Variants in ARID1B observed in about 807,000 individuals in gnomAD.
ARID1B encodes AT-rich interaction domain 1B.
A neutral mutation model predicts 212.3 loss-of-function variants in ARID1B; 30 were observed. The observed-to-expected ratio is 0.14, with a 90% CI of 0.11 to 0.19. The LOEUF (loss-of-function observed/expected upper bound fraction) is 0.19, where lower values mean the gene tolerates loss of function less well. ARID1B is among the 10% of genes least tolerant of loss of function. The pLI is 1.00. For missense variants in ARID1B, 2,891 were observed against 3,204.0 expected, an observed-to-expected ratio of 0.90 and a Z score of 2.36; for synonymous variants, 1,402 against 1,301.7, an observed-to-expected ratio of 1.08 and a Z score of -1.66.
intron 3 of ARID1B, among the ~76,000 whole-genome samples, chr6:156,909,123 C>CTCTTT (rs769251080): frequency 9.2e-6 from 1 of 108,822 alleles, no homozygotes; most frequent in African/African-American, 3.8e-5. Context: ...TTTTCTTTCT[C>CTCTTT]TTTTTTTTTT....
At chr6:157,103,989 C>T (rs185580899) in intron 5 of ARID1B, among the ~76,000 whole-genome samples, 1 of 152,076 alleles carries the variant, frequency 6.6e-6, no homozygotes, top group East Asian at 1.9e-4. Context: ...GCACCTGCCA[C>T]CATGCCCGGC....
chr6:156,926,773 C>T (rs554429203), intron 3 of ARID1B, among the ~76,000 whole-genome samples: 57 of 152,234 alleles, frequency 3.7e-4, no homozygotes, highest in African/African-American at 1.3e-3. Flanking sequence ...ACTTCGCCTC[C>T]CAGGTTCAAG....
At position 157,129,751 on chromosome 6, in the gene ARID1B, A is replaced by G. The variant is rs956878912; in HGVS notation, c.2582-3277A>G. The stretch of plus-strand genomic sequence containing the variant: ...TGAGATAGTTCAAGTGGAACACTAC[A>G]TATGTATTTTTAAGGACTGAGTAAA... On this transcript the variant is annotated intron_variant, in intron 6 of 19. Transcript: ENST00000636930. Among the ~76,000 whole-genome samples the G allele has an allele frequency of 2.6e-5, 4 of 152,244 alleles. No homozygotes were observed. In the East Asian group the frequency reaches 5.8e-4, roughly 22 times the overall value.
intron 2 of ARID1B, among the ~76,000 whole-genome samples, chr6:156,881,927 T>A (rs928831690): frequency 1.3e-5 from 2 of 152,222 alleles, no homozygotes; most frequent in Middle Eastern, 3.2e-3. Flanking sequence ...CTAGAACTCA[T>A]TTACTTGGGT....
chr6:157,159,947 G>A (rs1477407033), intron 8 of ARID1B, among the ~76,000 whole-genome samples: 2 of 152,146 alleles, frequency 1.3e-5, no homozygotes, highest in African/African-American at 4.8e-5. Context: ...ATTCTTCTTT[G>A]CCCATTCTTA....
intron 3 of ARID1B, among the ~76,000 whole-genome samples, chr6:156,913,365 C>T (rs776207829): frequency 2.4e-4 from 37 of 151,690 alleles, no homozygotes; most frequent in African/African-American, 6.5e-4. Flanking sequence ...TACAGGCACG[C>T]GCCACCATGC....
intron 3 of ARID1B, among the ~76,000 whole-genome samples, chr6:156,909,832 T>C (rs1306605868): frequency 6.6e-6 from 1 of 152,250 alleles, no homozygotes; most frequent in Non-Finnish European, 1.5e-5. Flanking sequence ...CCTGCCCTTG[T>C]TCACAGGATG....
intron 4 of ARID1B, among the ~76,000 whole-genome samples, chr6:157,068,563 C>G (rs1783822564): frequency 6.6e-6 from 1 of 152,236 alleles, no homozygotes; most frequent in South Asian, 2.1e-4. Flanking sequence ...ACCAAAGGAT[C>G]TATCAAAGTA....
intron 3 of ARID1B, among the ~76,000 whole-genome samples, chr6:156,911,338 G>GTTTTTTTTTTTTT (rs57374747): frequency 9.5e-6 from 1 of 105,362 alleles, no homozygotes; most frequent in East Asian, 3.1e-4. Context: ...TAAATAATTA[G>GTTTTTTTTTTTTT]TTTTTTTTTT....
intron 4 of ARID1B, among the ~76,000 whole-genome samples, chr6:157,010,631 T>G (rs1208102804): frequency 1.5e-5 from 2 of 134,440 alleles, no homozygotes; most frequent in South Asian, 2.2e-4. Flanking sequence ...GTTTTTTTTT[T>G]TTGCTTTGTT....
chr6:156,886,770 CG>C (rs1787542375), intron 2 of ARID1B, among the ~76,000 whole-genome samples: 1 of 152,164 alleles, frequency 6.6e-6, no homozygotes, highest in African/African-American at 2.4e-5. Context: ...GTAACTGTGC[CG>C]AGCCTTCCAA....
At chr6:156,997,711 G>C (rs1367041055) in intron 4 of ARID1B, among the ~76,000 whole-genome samples, 1 of 147,782 alleles carries the variant, frequency 6.8e-6, no homozygotes, top group Non-Finnish European at 1.5e-5. Context: ...TTTTCCACAA[G>C]AACCATCATT....
intron 8 of ARID1B, chr6:157,149,289 T>TA: frequency 3.7e-6 from 1 of 271,030 alleles, no homozygotes; most frequent in Non-Finnish European, 7.2e-6. Context: ...CAGTGACTTT[T>TA]AAGCAGGAAA....
At chr6:157,188,137 C>T (rs568521760) in intron 13 of ARID1B, among the ~76,000 whole-genome samples, 1 of 152,066 alleles carries the variant, frequency 6.6e-6, no homozygotes, top group African/African-American at 2.4e-5. Flanking sequence ...ATAACAAACC[C>T]CCATGACATG....
chr6:156,886,467 C>G (rs1474263254), intron 2 of ARID1B, among the ~76,000 whole-genome samples: 1 of 152,208 alleles, frequency 6.6e-6, no homozygotes, highest in African/African-American at 2.4e-5. Flanking sequence ...CTTGTATCCT[C>G]TGGGCTCCCC....
At position 157,084,739 on chromosome 6, in the gene ARID1B, C is replaced by T. The variant is rs1435245730; in HGVS notation, c.2325C>T (p.Ser775=). 1 of 1,614,166 alleles carries T rather than the reference C, an allele frequency of 6.2e-7. No individual in the cohort carries two copies. The highest frequency in any genetic ancestry group is 8.5e-7 in the Non-Finnish European group (1 of 1,180,034). The part of the protein sequence containing the change: ...TLSSAVSASG[S]TSSQGDQSNP... ...GCTCAGCAGTCAGTGCATCCGGGTCCACGAGCAGCCAAGGGGATCAGAGCA... is the reference window on the plus strand; with the variant it reads ...GCTCAGCAGTCAGTGCATCCGGGTCTACGAGCAGCCAAGGGGATCAGAGCA... Residue 775 remains serine (S), a synonymous_variant, in exon 5 of 20, where the codon TCC becomes TCT. Transcript: ENST00000636930.
intron 12 of ARID1B, among the ~76,000 whole-genome samples, chr6:157,181,492 G>A (rs973471780): frequency 6.6e-6 from 1 of 152,194 alleles, no homozygotes; most frequent in African/African-American, 2.4e-5. Flanking sequence ...TCTGCCAGTA[G>A]TTCATAGTAA....
rs1218367237 is a variant in ARID1B, at chr6:157,209,767, A to G, written c.*1876A>G. ...TACATAGTGCAAAGTGATGATTTCT[A>G]TTTCAGGGCATATTATGGTTCTCAT... On this transcript the variant is annotated 3_prime_UTR_variant, in exon 20 of 20. Coordinates refer to ENST00000636930, the MANE Select transcript of ARID1B (RefSeq NM_001374828.1). 1 of 233,126 alleles carries G rather than the reference A, an allele frequency of 4.3e-6. No homozygotes were observed. Among genetic ancestry groups the G allele is most frequent in the Non-Finnish European group, 8.5e-6 (1 of 118,054 alleles). The allele number at this position is 233,126 out of a possible 1,614,324, so 14.4% of individuals were successfully genotyped here.
Position 157,084,767 on chromosome 6 carries a change from C to G in ARID1B, c.2353C>G (p.Pro785Ala), listed in dbSNP as rs1384826406. 1 of 1,614,116 alleles carries G rather than the reference C, an allele frequency of 6.2e-7. No individual in the cohort carries two copies. Among genetic ancestry groups the G allele is most frequent in the Non-Finnish European group, 8.5e-7 (1 of 1,179,986 alleles). Residue 785 changes from proline (P) to alanine (A), a missense_variant, in exon 5 of 20, where the codon CCG (proline) becomes GCG (alanine). Around this residue, in one of 7 missense-constraint regions of ARID1B, gnomAD observed 1,643 missense variants for 1,544.0 expected, o/e 1.06. Transcript: ENST00000636930. ...GAGCAGCCAAGGGGATCAGAGCAAC[C>G]CGGCGCAGTCGCCTTTCTCCCCACA... ...STSSQGDQSN[P>A]AQSPFSPHAS...
Sources: gnomAD v4.1 joint callset for allele counts (sites outside exome capture counted in the v4.1 genomes callset) on GRCh38, gnomAD v4.1.1 for gene constraint, gnomAD v4.1.1 regional missense constraint, MANE v1.5 for transcripts, NCBI Gene and HGNC (gene_info 2026-07-23, HGNC 2026-07-21) for gene names.